PRTFDC1: variants seen among roughly 807,000 people sequenced by gnomAD.
PRTFDC1 encodes phosphoribosyl transferase domain containing 1, also known as phosphoribosyltransferase domain-containing protein 1.
In PRTFDC1, 38 loss-of-function variants were observed where a neutral mutation model predicts 34.6. The ratio of observed to expected loss-of-function variants is 1.10; its 90% CI spans 0.85 to 1.44. The LOEUF (loss-of-function observed/expected upper bound fraction) is 1.44, where lower values mean the gene tolerates loss of function less well. Ranked by LOEUF, PRTFDC1 falls within the 40% of genes most tolerant of loss-of-function variation. The pLI, the probability that PRTFDC1 is intolerant of heterozygous loss-of-function variation, is 0.00. For synonymous variants in PRTFDC1, 93 were observed against 98.1 expected (o/e 0.95, Z 0.31); for missense variants, 270 against 283.0 (o/e 0.95, Z 0.33).
At chr10:24,941,078 AG>A (rs1849148824) in intron 2 of PRTFDC1, among the ~76,000 whole-genome samples, 1 of 148,408 alleles carries the variant, frequency 6.7e-6, no homozygotes, top group Non-Finnish European at 1.5e-5. Flanking sequence ...GTTTGAGACA[AG>A]GTCTCGCTCT....
chr10:24,950,602 C>T (rs935101480), intron 1 of PRTFDC1, among the ~76,000 whole-genome samples: 1 of 152,032 alleles, frequency 6.6e-6, no homozygotes, highest in South Asian at 2.1e-4. Flanking sequence ...ACTTGCTGTC[C>T]CTGTAACATC....
intron 3 of PRTFDC1, among the ~76,000 whole-genome samples, chr10:24,900,480 T>C (rs1848431454): frequency 6.6e-6 from 1 of 152,216 alleles, no homozygotes. Flanking sequence ...CATAAAGTTA[T>C]CCTCTTATTA....
rs1041480516 is a variant in PRTFDC1, at chr10:24,952,381, C to T, written c.48+147G>A. 3 of 914,922 alleles carry T rather than the reference C, an allele frequency of 3.3e-6. No homozygotes were observed. The highest frequency in any genetic ancestry group is 1.7e-6 in the Non-Finnish European group (1 of 587,112). 56.7% of individuals were successfully genotyped at this position (914,922 alleles called of 1,614,324 possible). ...GGGGCGGGGAGAGGAGGCCCGGGTC[C>T]GAGGATGGAAGCGATCCCCGCCGGG... On this transcript the variant is annotated intron_variant, in intron 1 of 8. Coordinates refer to ENST00000320152, the MANE Select transcript of PRTFDC1 (RefSeq NM_020200.7). The surrounding 1 kb of genome is among the most constrained non-coding windows in gnomAD (Gnocchi z 5.1).
intron 3 of PRTFDC1, among the ~76,000 whole-genome samples, chr10:24,909,371 A>T (rs1336598108): frequency 6.6e-6 from 1 of 152,210 alleles, no homozygotes; most frequent in Non-Finnish European, 1.5e-5. Context: ...CTTTTTATTT[A>T]AAAAATATCC....
chr10:24,928,986 G>A (rs2132595083), intron 3 of PRTFDC1, among the ~76,000 whole-genome samples: 1 of 147,190 alleles, frequency 6.8e-6, no homozygotes, highest in African/African-American at 2.5e-5. Context: ...CTTGCAGTGA[G>A]TCGAGATCGC....
At chr10:24,890,636 C>T (rs751865161) in intron 3 of PRTFDC1, among the ~76,000 whole-genome samples, 1 of 152,152 alleles carries the variant, frequency 6.6e-6, no homozygotes, top group Non-Finnish European at 1.5e-5. Context: ...GAAGAGGGAA[C>T]AGGAGGGAGG....
rs193024685 is a variant in PRTFDC1, at chr10:24,943,614, G to C, written c.49-1178C>G. ...CACCCAGTCTGGAGTGCAGTGGTGC[G>C]ATCTCTGCTCACTGCAACCCTGCCT... On this transcript the variant is annotated intron_variant, in intron 1 of 8. Coordinates refer to ENST00000320152, the MANE Select transcript of PRTFDC1 (RefSeq NM_020200.7). 1.0e-4 allele frequency among the ~76,000 whole-genome samples: 15 copies of C among 149,202 alleles called. 1 individual carries two copies. The highest frequency in any genetic ancestry group is 4.4e-5 in the Non-Finnish European group (3 of 67,726).
chr10:24,855,003 C>A (rs941920022), intron 7 of PRTFDC1, among the ~76,000 whole-genome samples: 8 of 152,164 alleles, frequency 5.3e-5, no homozygotes, highest in African/African-American at 1.7e-4. Context: ...TTCCTCTACT[C>A]CCTGAAACTT....
intron 4 of PRTFDC1, among the ~76,000 whole-genome samples, chr10:24,860,456 A>G (rs1368259307): frequency 6.6e-6 from 1 of 152,236 alleles, no homozygotes; most frequent in Non-Finnish European, 1.5e-5. Flanking sequence ...GATTTAATTA[A>G]TAAAAATGTT....
In PRTFDC1 at chr10:24,882,204, C is replaced by CA. The variant is rs10651020; in HGVS notation, c.340-10142dup. Among the ~76,000 whole-genome samples, 213 of 107,498 alleles carry CA rather than the reference C, an allele frequency of 2.0e-3. 5 individuals are homozygous for CA. Among genetic ancestry groups the CA allele is most frequent in the Admixed American group, 6.8e-3 (67 of 9,842 alleles). 70.5% of individuals were successfully genotyped at this position (107,498 alleles called of 152,430 possible). On this transcript the variant is annotated intron_variant, in intron 3 of 8. Transcript: ENST00000320152. ...CCTGGGTGACAGAGCGGATCTGCCT[C>CA]AAAAAAAAAAAAAAAGAAAAGAAAA...
At chr10:24,856,254 A>G (rs1165471313) in intron 6 of PRTFDC1, among the ~76,000 whole-genome samples, 1 of 151,480 alleles carries the variant, frequency 6.6e-6, no homozygotes, top group Admixed American at 6.6e-5. Context: ...GGGCTGGGCG[A>G]CAGAGCAAGA....
At chr10:24,872,214 C>A in intron 3 of PRTFDC1, 151 bp from the exon 4 acceptor site, 1 of 664,596 alleles carries the variant, frequency 1.5e-6, no homozygotes, top group Non-Finnish European at 2.6e-6. Flanking sequence ...CTATGGTTAC[C>A]AAGAGCCATG....
chr10:24,917,024 T>C (rs1419903982), intron 3 of PRTFDC1, among the ~76,000 whole-genome samples: 3 of 152,234 alleles, frequency 2.0e-5, no homozygotes, highest in African/African-American at 7.2e-5. Flanking sequence ...ATCCAGGCTC[T>C]GTCCCCTTCC....
In PRTFDC1 at chr10:24,937,214, C is replaced by T. The variant is rs773488270; in HGVS notation, c.309G>A (p.Lys103=). Residue 103 remains lysine, a synonymous_variant, in exon 3 of 9, where the codon AAG becomes AAA. Coordinates refer to ENST00000320152, the MANE Select transcript of PRTFDC1 (RefSeq NM_020200.7). ...AACTTTTTAGTCTGATGAAATCAACCTTCATTGAGACAAATCGATCTGAAT... is the reference window on the plus strand; with the variant it reads ...AACTTTTTAGTCTGATGAAATCAACTTTCATTGAGACAAATCGATCTGAAT... ...SRNSDRFVSM[K]VDFIRLKSYR... is the part of the protein sequence containing the mutation. The T allele has an allele frequency of 2.9e-5, 46 of 1,613,384 alleles. No homozygotes were observed. The highest frequency in any genetic ancestry group is 3.9e-5 in the Non-Finnish European group (46 of 1,179,878).
intron 4 of PRTFDC1, among the ~76,000 whole-genome samples, chr10:24,858,768 C>T (rs1847624376): frequency 6.6e-6 from 1 of 152,160 alleles, no homozygotes; most frequent in South Asian, 2.1e-4. Context: ...GAAAACAATG[C>T]AACATGAACT....
chr10:24,938,366 T>C (rs1289180596), intron 2 of PRTFDC1, among the ~76,000 whole-genome samples: 1 of 152,060 alleles, frequency 6.6e-6, no homozygotes, highest in Non-Finnish European at 1.5e-5. Context: ...ACCAAAGGCA[T>C]ACAACAAACT....
At chr10:24,887,526 G>A (rs116843429) in intron 3 of PRTFDC1, among the ~76,000 whole-genome samples, 1,733 of 151,912 alleles carry the variant, frequency 0.011, 10 homozygotes, top group South Asian at 0.033. Context: ...GGATGTGTTC[G>A]CTTCCCCTTC....
intron 3 of PRTFDC1, among the ~76,000 whole-genome samples, chr10:24,895,431 A>G (rs778203925): frequency 2.0e-5 from 3 of 150,778 alleles, no homozygotes; most frequent in Non-Finnish European, 4.4e-5. Context: ...TTGTGTTTTT[A>G]GTAGAGATGG....
intron 3 of PRTFDC1, among the ~76,000 whole-genome samples, chr10:24,922,926 C>T (rs1330592161): frequency 2.6e-5 from 4 of 152,286 alleles, no homozygotes; most frequent in East Asian, 1.9e-4. Flanking sequence ...CTGGAGGAAC[C>T]GTACACTTCT....
Sources: allele counts gnomAD v4.1 joint callset (sites outside exome capture counted in the v4.1 genomes callset), GRCh38; gene constraint gnomAD v4.1.1; non-coding constraint Gnocchi (gnomAD v3.1); transcripts MANE v1.5; gene names NCBI Gene and HGNC (gene_info 2026-07-23, HGNC 2026-07-21).